The following JAKMIP1 variants were observed in gnomAD, a reference collection of about 807,000 sequenced individuals.
The protein encoded by JAKMIP1 is janus kinase and microtubule interacting protein 1.
A neutral mutation model predicts 113.0 loss-of-function variants in JAKMIP1; 33 were observed. The observed-to-expected ratio is 0.29, with a 90% CI of 0.22 to 0.39. The LOEUF is 0.39. JAKMIP1 is among the 10% of genes least tolerant of loss of function. The probability of loss-of-function intolerance (pLI) is 1.00; values close to 1 mark genes in which losing one functional copy is unlikely to be tolerated. For missense variants in JAKMIP1, 813 were observed against 1,080.5 expected (o/e 0.75, Z 3.47); for synonymous variants, 480 against 459.9 (o/e 1.04, Z -0.56).
intron 1 of JAKMIP1, among the ~76,000 whole-genome samples, chr4:6,121,199 C>CA (rs33951121): frequency 0.08 from 10,310 of 128,306 alleles, 592 homozygotes; most frequent in Middle Eastern, 0.13. Flanking sequence ...GACCTTGTCT[C>CA]AAAAAAAAAA....
At chr4:6,122,120 G>A (rs910116695) in intron 1 of JAKMIP1, among the ~76,000 whole-genome samples, 11 of 152,126 alleles carry the variant, frequency 7.2e-5, no homozygotes, top group Admixed American at 3.9e-4. Context: ...CGAGGCGGGC[G>A]GATCTCTTGA....
intron 3 of JAKMIP1, among the ~76,000 whole-genome samples, chr4:6,100,139 C>T (rs920388165): frequency 2.6e-5 from 4 of 152,126 alleles, no homozygotes; most frequent in African/African-American, 9.7e-5. Flanking sequence ...TCATGAACTT[C>T]GCCGATTTTT....
chr4:6,115,359 G>T (rs1382089074), intron 1 of JAKMIP1, among the ~76,000 whole-genome samples: 2 of 152,212 alleles, frequency 1.3e-5, no homozygotes, highest in Non-Finnish European at 2.9e-5. Context: ...GCAGTGAGCC[G>T]AGATCGTGCC....
intron 3 of JAKMIP1, among the ~76,000 whole-genome samples, chr4:6,096,810 A>C (rs922726037): frequency 2.0e-5 from 3 of 152,256 alleles, no homozygotes; most frequent in African/African-American, 7.2e-5. Flanking sequence ...AAGTCTAAAC[A>C]TGAAATCCAT....
chr4:6,077,406 G>C (rs1245585941), intron 8 of JAKMIP1, among the ~76,000 whole-genome samples: 3 of 152,068 alleles, frequency 2.0e-5, no homozygotes, highest in African/African-American at 7.2e-5. Context: ...GTTTTAGAGG[G>C]AGGGAACGTG....
rs551856463 is a variant in JAKMIP1, at chr4:6,158,953, G to C, written c.-148+41300C>G. On this transcript the variant is annotated intron_variant, in intron 1 of 20. Coordinates refer to ENST00000409021, the MANE Select transcript of JAKMIP1 (RefSeq NM_001099433.2). The surrounding 1 kb of genome is among the most constrained non-coding windows in gnomAD (Gnocchi z 5.3). ...AAAATACAAAAATTAGCGGGGCATAGTGGCATGCACCTATAGTCCCAGCTA... is the reference window on the plus strand; with the variant it reads ...AAAATACAAAAATTAGCGGGGCATACTGGCATGCACCTATAGTCCCAGCTA... Among the ~76,000 whole-genome samples the C allele has an allele frequency of 1.6e-4, 24 of 152,216 alleles. No homozygotes were observed. Among genetic ancestry groups the C allele is most frequent in the African/African-American group, 5.3e-4 (22 of 41,530 alleles).
rs1054287688 is a variant in JAKMIP1 at position 6,155,275 on chromosome 4, GCCTTTTAATAC to G, written c.-147-42289_-147-42279del. 1.4e-4 allele frequency among the ~76,000 whole-genome samples: 22 copies of G among 152,200 alleles called. No individual in the cohort carries two copies. The highest frequency in any genetic ancestry group is 5.3e-4 in the African/African-American group (22 of 41,522). Reference sequence around the variant, plus strand: ...CAACATTCCCTCCTCTGCGCTCAACGCCTTTTAATACCAGCAACCACCACTCAACCACCACC... The same window carrying G: ...CAACATTCCCTCCTCTGCGCTCAACGCAGCAACCACCACTCAACCACCACC... On this transcript the variant is annotated intron_variant, in intron 1 of 20. Transcript: ENST00000409021. This position sits in a 1 kb window ranked among gnomAD's most constrained non-coding sequence, Gnocchi z 6.1.
chr4:6,080,379 G>A lies in JAKMIP1; in HGVS notation c.1102-67C>T. On this transcript the variant is annotated intron_variant, in intron 6 of 20. Transcript: ENST00000409021. This position sits in a 1 kb window ranked among gnomAD's most constrained non-coding sequence, Gnocchi z 6.0. ...AACAGTGTTTGTTAGGGACAGTGCT[G>A]GAGTGGAGCTCAGGGGTGCAGGGAC... 2.6e-6 allele frequency: 4 copies of A among 1,560,150 alleles called. No homozygotes were observed. Among genetic ancestry groups the A allele is most frequent in the Non-Finnish European group, 3.5e-6 (4 of 1,147,644 alleles).
intron 1 of JAKMIP1, among the ~76,000 whole-genome samples, chr4:6,170,755 A>T (rs1370978281): frequency 2.7e-5 from 2 of 75,108 alleles, no homozygotes; most frequent in African/African-American, 3.9e-5. Flanking sequence ...CACAATCACC[A>T]CCACATCCCC....
At position 6,197,415 on chromosome 4, in the gene JAKMIP1, C is replaced by T. The variant is rs1212893110; in HGVS notation, c.-148+2838G>A. Among the ~76,000 whole-genome samples the T allele has an allele frequency of 6.6e-6, 1 of 152,186 alleles. No individual in the cohort carries two copies. Among genetic ancestry groups the T allele is most frequent in the African/African-American group, 2.4e-5 (1 of 41,438 alleles). The stretch of plus-strand genomic sequence containing the variant: ...TCATAGCTTCTTCACCATCATCACC[C>T]CTCATAAATCGGCTACCTTTGCTCA... On this transcript the variant is annotated intron_variant, in intron 1 of 20. Coordinates refer to ENST00000409021, the MANE Select transcript of JAKMIP1 (RefSeq NM_001099433.2). This position sits in a 1 kb window ranked among gnomAD's most constrained non-coding sequence, Gnocchi z 6.5.
Position 6,093,038 on chromosome 4 carries a change from AGATATGGTTAAAATGAT to A in JAKMIP1, c.625-7426_625-7410del. ...TCACATATCATCATGGCTATTTTAGAGATATGGTTAAAATGATCACATCATGCCCCATTACTTCCAAA... is the reference window on the plus strand; with the variant it reads ...TCACATATCATCATGGCTATTTTAGACACATCATGCCCCATTACTTCCAAA... On this transcript the variant is annotated intron_variant, in intron 3 of 20. Coordinates refer to ENST00000409021, the MANE Select transcript of JAKMIP1 (RefSeq NM_001099433.2). The surrounding 1 kb of genome is among the most constrained non-coding windows in gnomAD (Gnocchi z 4.6). 6.6e-6 allele frequency among the ~76,000 whole-genome samples: 1 copy of A among 152,306 alleles called. No individual in the cohort carries two copies. Among genetic ancestry groups the A allele is most frequent in the Non-Finnish European group, 1.5e-5 (1 of 68,022 alleles).
chr4:6,167,757 C>T lies in JAKMIP1; in HGVS notation c.-148+32496G>A, dbSNP rs922618505. On this transcript the variant is annotated intron_variant, in intron 1 of 20. Transcript: ENST00000409021. This position sits in a 1 kb window ranked among gnomAD's most constrained non-coding sequence, Gnocchi z 5.3. The stretch of plus-strand genomic sequence containing the variant: ...TACAGATGTGAACTGCCCAAGGGCA[C>T]GCGGCTTTTCCACGGCTCTATGGCT... Among the ~76,000 whole-genome samples the T allele has an allele frequency of 1.2e-4, 18 of 152,208 alleles. No homozygotes were observed. Among genetic ancestry groups the T allele is most frequent in the South Asian group, 1.0e-3 (5 of 4,828 alleles).
chr4:6,085,086 A>ACCTTGCTGTGTGG, intron 4 of JAKMIP1, 121 bp from the exon 5 acceptor site: 1 of 1,205,714 alleles, frequency 8.3e-7, no homozygotes, highest in Non-Finnish European at 1.1e-6. Flanking sequence ...TCAGGGGCCC[A>ACCTTGCTGTGTGG]CATGCCACAC....
intron 12 of JAKMIP1, among the ~76,000 whole-genome samples, chr4:6,055,871 T>C (rs1465873118): frequency 5.8e-3 from 415 of 71,538 alleles, no homozygotes; most frequent in Admixed American, 9.2e-3. Context: ...CAGCCCTCCT[T>C]ATTTCTGCAG....
Position 6,139,079 on chromosome 4 carries a change from CA to C in JAKMIP1, c.-147-26083del, listed in dbSNP as rs1719696126. 3.6e-5 allele frequency among the ~76,000 whole-genome samples: 5 copies of C among 137,352 alleles called. No individual in the cohort carries two copies. The highest frequency in any genetic ancestry group is 4.0e-4 in the East Asian group (2 of 5,046). The allele number at this position is 137,352 out of a possible 152,430, so 90.1% of individuals were successfully genotyped here. A position where few individuals can be genotyped will look rare whatever the true frequency, so the allele number is the denominator to read the frequency against. ...AAACACACACACACACACACACACA[CA>C]CACATATACACACACACACACACAC... On this transcript the variant is annotated intron_variant, in intron 1 of 20. Coordinates refer to ENST00000409021, the MANE Select transcript of JAKMIP1 (RefSeq NM_001099433.2). This position sits in a 1 kb window ranked among gnomAD's most constrained non-coding sequence, Gnocchi z 5.2.
rs1418285800 is a variant in JAKMIP1, at chr4:6,187,269, G to A, written c.-148+12984C>T. Reference sequence around the variant, plus strand: ...CTTTTTATCTCTAGTAACTTTTTTTGTTTTAAACTCATTTTGTCTAATATC... The same window carrying A: ...CTTTTTATCTCTAGTAACTTTTTTTATTTTAAACTCATTTTGTCTAATATC... On this transcript the variant is annotated intron_variant, in intron 1 of 20. Coordinates refer to ENST00000409021, the MANE Select transcript of JAKMIP1 (RefSeq NM_001099433.2). The surrounding 1 kb of genome is among the most constrained non-coding windows in gnomAD (Gnocchi z 4.2). Among the ~76,000 whole-genome samples, 1 of 151,914 alleles carries A rather than the reference G, an allele frequency of 6.6e-6. No homozygotes were observed. Among genetic ancestry groups the A allele is most frequent in the African/African-American group, 2.4e-5 (1 of 41,380 alleles).
At chr4:6,121,087 C>G (rs1716649038) in intron 1 of JAKMIP1, among the ~76,000 whole-genome samples, 1 of 151,428 alleles carries the variant, frequency 6.6e-6, no homozygotes, top group African/African-American at 2.4e-5. Context: ...ATAATCTCAG[C>G]TACTTGGGAG....
At chr4:6,060,139 A>T (rs1297204194) in intron 11 of JAKMIP1, among the ~76,000 whole-genome samples, 1 of 152,220 alleles carries the variant, frequency 6.6e-6, no homozygotes, top group African/African-American at 2.4e-5. Flanking sequence ...AGCTTTGATC[A>T]CACCTTTGCT....
chr4:6,163,713 G>A (rs913387418), intron 1 of JAKMIP1, among the ~76,000 whole-genome samples: 1 of 152,202 alleles, frequency 6.6e-6, no homozygotes, highest in African/African-American at 2.4e-5. Flanking sequence ...TGAATGCACA[G>A]GGAAAGTTCT....
Sources: gnomAD v4.1 joint callset for allele counts (sites outside exome capture counted in the v4.1 genomes callset) on GRCh38, gnomAD v4.1.1 for gene constraint, Gnocchi (gnomAD v3.1) non-coding constraint, MANE v1.5 for transcripts, NCBI Gene and HGNC (gene_info 2026-07-23, HGNC 2026-07-21) for gene names.